Variants in MAP3K14 observed in about 807,000 individuals in gnomAD.
The protein encoded by MAP3K14 is NF-kappa-beta-inducing kinase.
In MAP3K14, 16 loss-of-function variants were observed where a neutral mutation model predicts 99.2. The ratio of observed to expected loss-of-function variants is 0.16; its 90% CI spans 0.11 to 0.24. The LOEUF (loss-of-function observed/expected upper bound fraction) is 0.24. Among genes scored for constraint, MAP3K14 ranks in the 10% least tolerant of loss-of-function variants. The pLI is 1.00. For missense variants in MAP3K14, 784 were observed against 1,208.7 expected (o/e 0.65, Z 5.21); for synonymous variants, 462 against 492.4 (o/e 0.94, Z 0.82).
intron 6 of MAP3K14, among the ~76,000 whole-genome samples, chr17:45,284,338 C>A (rs1018757485): frequency 2.0e-5 from 3 of 152,242 alleles, no homozygotes; most frequent in Non-Finnish European, 2.9e-5. Flanking sequence ...GCCTGGCCAA[C>A]AGGGGGCACA....
Position 45,286,738 on chromosome 17 carries a change from G to A in MAP3K14, c.845C>T (p.Ser282Phe), listed in dbSNP as rs1266969497. ...TACACAGGCCAGTTTGCCCAGGAAGGACTCCAGAGGGTGAGGTTTCCAGGG... is the reference window on the plus strand; with the variant it reads ...TACACAGGCCAGTTTGCCCAGGAAGAACTCCAGAGGGTGAGGTTTCCAGGG... The part of the protein sequence containing the change: ...LQPWKPHPLE[S>F]FLGKLACVDS... The change falls in exon 5 of 16, where the codon TCC becomes TTC. Residue 282 changes from serine to phenylalanine, a missense_variant. Ser to Phe is a radical substitution (Grantham distance 155). Transcript: ENST00000344686. This position sits in a 1 kb window ranked among gnomAD's most constrained non-coding sequence, Gnocchi z 4.1. The A allele has an allele frequency of 6.2e-7, 1 of 1,610,866 alleles. No homozygotes were observed. The highest frequency in any genetic ancestry group is 1.3e-5 in the African/African-American group (1 of 74,870).
At chr17:45,287,127 G>T (rs377123854) in intron 4 of MAP3K14, 27 bp downstream of exon 4, 1 of 1,608,308 alleles carries the variant, frequency 6.2e-7, no homozygotes, top group East Asian at 2.2e-5. Context: ...TGAACCTGGG[G>T]TCTGGGCAGT....
chr17:45,300,301 C>T (rs948431025), intron 1 of MAP3K14, among the ~76,000 whole-genome samples: 1 of 152,156 alleles, frequency 6.6e-6, no homozygotes, highest in East Asian at 1.9e-4. Context: ...ATTGGTCTTA[C>T]CCACTTCCAG....
intron 1 of MAP3K14, among the ~76,000 whole-genome samples, chr17:45,309,476 C>T (rs960199175): frequency 5.3e-5 from 8 of 152,204 alleles, no homozygotes; most frequent in African/African-American, 2.4e-5. Flanking sequence ...TCCTCCAGGG[C>T]GGTGCCTCAA....
chr17:45,293,382 G>A (rs777379064), intron 1 of MAP3K14, among the ~76,000 whole-genome samples: 3 of 152,172 alleles, frequency 2.0e-5, no homozygotes, highest in Non-Finnish European at 4.4e-5. Flanking sequence ...AGGGCATCCC[G>A]AGTCCCAGAG....
At chr17:45,300,498 C>G (rs2044378902) in intron 1 of MAP3K14, among the ~76,000 whole-genome samples, 1 of 152,202 alleles carries the variant, frequency 6.6e-6, no homozygotes, top group East Asian at 1.9e-4. Context: ...AGTCTGATCT[C>G]TCTACAACCC....
At chr17:45,289,819 T>G (rs968700759) in intron 2 of MAP3K14, among the ~76,000 whole-genome samples, 1 of 152,186 alleles carries the variant, frequency 6.6e-6, no homozygotes, top group Non-Finnish European at 1.5e-5. Flanking sequence ...TGTGGAGAAA[T>G]GACAGCATGG....
intron 1 of MAP3K14, among the ~76,000 whole-genome samples, chr17:45,296,396 A>G (rs58559961): frequency 0.017 from 2,661 of 152,188 alleles, 77 homozygotes; most frequent in African/African-American, 0.061. Context: ...ATGGTGGCAC[A>G]CGCCTGTAGT....
chr17:45,304,752 T>C (rs2044418328), intron 1 of MAP3K14, among the ~76,000 whole-genome samples: 1 of 152,186 alleles, frequency 6.6e-6, no homozygotes, highest in South Asian at 2.1e-4. Flanking sequence ...TTACTAATCC[T>C]GAGGAATGGC....
intron 1 of MAP3K14, 70 bp from the exon 2 acceptor site, chr17:45,290,835 G>C (rs920727213): frequency 4.6e-6 from 7 of 1,516,616 alleles, no homozygotes; most frequent in Non-Finnish European, 6.2e-6. Context: ...TCAGCCTTGG[G>C]TTGGGGGAGA....
At chr17:45,269,390 CAT>C (rs2044124700) in intron 11 of MAP3K14, among the ~76,000 whole-genome samples, 1 of 152,072 alleles carries the variant, frequency 6.6e-6, no homozygotes, top group Non-Finnish European at 1.5e-5. Context: ...TACTAGTAAA[CAT>C]ATATTTTATC....
At position 45,264,381 on chromosome 17, in the gene MAP3K14, A is replaced by G. The variant is rs2044050649; in HGVS notation, c.*255T>C. On this transcript the variant is annotated 3_prime_UTR_variant, in exon 16 of 16. Coordinates refer to ENST00000344686, the MANE Select transcript of MAP3K14 (RefSeq NM_003954.5). The stretch of plus-strand genomic sequence containing the variant: ...CAGAGAAGATCCTGTTTGTTTCCCG[A>G]GGTAACTCCTGCCATCCTCCTCTGT... 1 of 473,700 alleles carries G rather than the reference A, an allele frequency of 2.1e-6. No individual in the cohort carries two copies. Among genetic ancestry groups the G allele is most frequent in the South Asian group, 2.9e-5 (1 of 33,924 alleles). The allele number at this position is 473,700 out of a possible 1,614,324, so 29.3% of individuals were successfully genotyped here.
rs993551905 is a variant in MAP3K14 at position 45,267,331 on chromosome 17, A to G, written c.2326+75T>C. On this transcript the variant is annotated intron_variant, in intron 12 of 15. Transcript: ENST00000344686. This position sits in a 1 kb window ranked among gnomAD's most constrained non-coding sequence, Gnocchi z 5.1. ...CTGGAAGAAAGCCCACACCGCAGGT[A>G]AAGAGAAACACCGGCCTCCGCGGGT... 3 of 1,478,916 alleles carry G rather than the reference A, an allele frequency of 2.0e-6. No individual in the cohort carries two copies. In the African/African-American group the frequency reaches 4.2e-5, roughly 21 times the overall value. 91.6% of individuals were successfully genotyped at this position (1,478,916 alleles called of 1,614,324 possible).
chr17:45,299,734 C>T (rs563151767), intron 1 of MAP3K14, among the ~76,000 whole-genome samples: 2 of 152,318 alleles, frequency 1.3e-5, no homozygotes, highest in African/African-American at 4.8e-5. Flanking sequence ...TGTGAAGGTA[C>T]ATTAATCATT....
At chr17:45,265,041 G>T in intron 15 of MAP3K14, 122 bp downstream of exon 15, 1 of 898,892 alleles carries the variant, frequency 1.1e-6, no homozygotes, top group Non-Finnish European at 1.8e-6. Context: ...GACGTTGAAG[G>T]CCAATTCCAA....
intron 6 of MAP3K14, among the ~76,000 whole-genome samples, chr17:45,276,519 T>C (rs2044181199): frequency 9.3e-6 from 1 of 106,984 alleles, no homozygotes; most frequent in African/African-American, 3.9e-5. Flanking sequence ...ACTTAGACCT[T>C]TTTTTTTTTT....
intron 1 of MAP3K14, among the ~76,000 whole-genome samples, chr17:45,304,469 A>T (rs2044416329): frequency 6.6e-6 from 1 of 152,176 alleles, no homozygotes; most frequent in Non-Finnish European, 1.5e-5. Flanking sequence ...CTAGGTGGTA[A>T]GCTCTTGGGA....
intron 11 of MAP3K14, among the ~76,000 whole-genome samples, chr17:45,269,741 C>T (rs1203934874): frequency 6.6e-6 from 1 of 152,158 alleles, no homozygotes; most frequent in Admixed American, 6.5e-5. Context: ...GGTGCCAAGC[C>T]CTGGAAGCTC....
chr17:45,294,073 C>T (rs1393740389), intron 1 of MAP3K14, among the ~76,000 whole-genome samples: 1 of 152,232 alleles, frequency 6.6e-6, no homozygotes, highest in South Asian at 2.1e-4. Flanking sequence ...CCAGTTATGT[C>T]TCTGCCTTTG....
Sources: gnomAD v4.1 joint callset for allele counts (sites outside exome capture counted in the v4.1 genomes callset) on GRCh38, gnomAD v4.1.1 for gene constraint, Gnocchi (gnomAD v3.1) non-coding constraint, MANE v1.5 for transcripts, NCBI Gene and HGNC (gene_info 2026-07-23, HGNC 2026-07-21) for gene names.